Variants in RIN3 observed in about 807,000 individuals in gnomAD.
RIN3 encodes RAB5 interacting protein 3.
In RIN3, 54 loss-of-function variants were observed where a neutral mutation model predicts 76.3. The observed-to-expected ratio is 0.71, with a 90% CI of 0.57 to 0.89. The LOEUF (loss-of-function observed/expected upper bound fraction) is 0.89, where lower values mean the gene tolerates loss of function less well. Among genes scored for constraint, RIN3 ranks in the 40% least tolerant of loss-of-function variants. The probability of loss-of-function intolerance (pLI) is 0.00; values close to 1 mark genes in which losing one functional copy is unlikely to be tolerated. For synonymous variants in RIN3, 576 were observed against 564.0 expected (o/e 1.02, Z -0.30); for missense variants, 1,256 against 1,322.1 (o/e 0.95, Z 0.78).
At chr14:92,645,682 G>A (rs994213129) in intron 5 of RIN3, among the ~76,000 whole-genome samples, 60 of 152,366 alleles carry the variant, frequency 3.9e-4, no homozygotes, top group Middle Eastern at 3.4e-3. Context: ...AAGGCCGGGC[G>A]CAGTGGCTCA....
intron 1 of RIN3, among the ~76,000 whole-genome samples, chr14:92,536,309 T>G (rs1896998196): frequency 6.6e-6 from 1 of 152,212 alleles, no homozygotes; most frequent in South Asian, 2.1e-4. Context: ...GACAGTATTG[T>G]CTTCCACGCC....
At chr14:92,672,688 G>GTGTGTGTATA (rs368466050) in intron 7 of RIN3, among the ~76,000 whole-genome samples, 7 of 150,786 alleles carry the variant, frequency 4.6e-5, no homozygotes, top group Non-Finnish European at 8.9e-5. Flanking sequence ...GTGTGTGTGT[G>GTGTGTGTATA]TATACACATA....
intron 5 of RIN3, among the ~76,000 whole-genome samples, chr14:92,642,083 T>G (rs1394589566): frequency 6.7e-6 from 1 of 149,656 alleles, no homozygotes; most frequent in Non-Finnish European, 1.5e-5. Flanking sequence ...AGCAGAGAAT[T>G]TTTTTTTTCT....
chr14:92,546,410 A>C (rs573211577), intron 1 of RIN3, among the ~76,000 whole-genome samples: 147 of 152,284 alleles, frequency 9.7e-4, no homozygotes, highest in African/African-American at 3.3e-3. Flanking sequence ...GAAGTATATA[A>C]TAGATTAATG....
rs368583728 is a variant in RIN3, at chr14:92,538,211, T to G, written c.45-17540T>G. 5.3e-5 allele frequency among the ~76,000 whole-genome samples: 8 copies of G among 151,848 alleles called. No individual in the cohort carries two copies. In the East Asian group the frequency reaches 1.2e-3, roughly 22 times the overall value. On this transcript the variant is annotated intron_variant, in intron 1 of 9. Coordinates refer to ENST00000216487, the MANE Select transcript of RIN3 (RefSeq NM_024832.5). ...TCTCAAACTCCTGACCTAGGTGATC[T>G]GCCTGCCTTGACCTCCCAAAGTGCT...
chr14:92,683,596 G>A (rs886397238), intron 8 of RIN3, among the ~76,000 whole-genome samples: 4 of 152,164 alleles, frequency 2.6e-5, no homozygotes, highest in African/African-American at 9.7e-5. Context: ...GGCCAAGGCA[G>A]GAGGATCACC....
chr14:92,632,772 G>T (rs1247971727), intron 4 of RIN3, among the ~76,000 whole-genome samples: 4 of 152,226 alleles, frequency 2.6e-5, no homozygotes, highest in African/African-American at 9.6e-5. Flanking sequence ...TGCGAGCCAG[G>T]CAAGGAAGGG....
intron 7 of RIN3, among the ~76,000 whole-genome samples, chr14:92,666,812 G>T (rs1223075220): frequency 6.6e-6 from 1 of 152,120 alleles, no homozygotes; most frequent in African/African-American, 2.4e-5. Context: ...TAATGTGAAT[G>T]CCGAGCAGGA....
chr14:92,631,597 T>C (rs1171315595), intron 4 of RIN3, among the ~76,000 whole-genome samples: 1 of 152,054 alleles, frequency 6.6e-6, no homozygotes, highest in Non-Finnish European at 1.5e-5. Context: ...ATCTGCATTT[T>C]TTTTTGGCGG....
At chr14:92,611,071 A>G (rs1413697135) in intron 3 of RIN3, among the ~76,000 whole-genome samples, 1 of 152,118 alleles carries the variant, frequency 6.6e-6, no homozygotes, top group Non-Finnish European at 1.5e-5. Context: ...TCATTCTCTC[A>G]CAGTTCTGGA....
intron 7 of RIN3, among the ~76,000 whole-genome samples, chr14:92,662,391 G>C (rs954788522): frequency 6.6e-6 from 1 of 152,256 alleles, no homozygotes; most frequent in South Asian, 2.1e-4. Context: ...ACCCTGGGGG[G>C]GATCATGGAA....
At chr14:92,525,739 G>A (rs1040569293) in intron 1 of RIN3, among the ~76,000 whole-genome samples, 2 of 152,180 alleles carry the variant, frequency 1.3e-5, no homozygotes, top group African/African-American at 2.4e-5. Flanking sequence ...CTCAGGCAGC[G>A]TCAGGCCCTG....
Position 92,667,889 on chromosome 14 carries a change from AGAGC to A in RIN3, c.2335+8421_2335+8424del, listed in dbSNP as rs1381778435. Among the ~76,000 whole-genome samples the A allele has an allele frequency of 9.0e-4, 92 of 102,520 alleles. 1 individual carries two copies. In the South Asian group the frequency reaches 0.026, roughly 29 times the overall value. 67.3% of individuals were successfully genotyped at this position (102,520 alleles called of 152,430 possible). On this transcript the variant is annotated intron_variant, in intron 7 of 9. Coordinates refer to ENST00000216487, the MANE Select transcript of RIN3 (RefSeq NM_024832.5). ...ACAGGAATGGGGGGGCATCTGAAAGAGAGCTAAAGAGAGCTTTCCTTCTCCAAAA... is the reference window on the plus strand; with the variant it reads ...ACAGGAATGGGGGGGCATCTGAAAGATAAAGAGAGCTTTCCTTCTCCAAAA...
chr14:92,574,389 T>A (rs577969247), intron 2 of RIN3, among the ~76,000 whole-genome samples: 1 of 152,354 alleles, frequency 6.6e-6, no homozygotes, highest in East Asian at 1.9e-4. Flanking sequence ...TGTTGCCTGC[T>A]TTTCTACTGT....
intron 1 of RIN3, among the ~76,000 whole-genome samples, chr14:92,549,259 C>T (rs1479959707): frequency 6.6e-6 from 1 of 152,150 alleles, no homozygotes; most frequent in Non-Finnish European, 1.5e-5. Flanking sequence ...TCTCCCTTTC[C>T]GTCACACACT....
chr14:92,599,238 C>A (rs925564530), intron 3 of RIN3, among the ~76,000 whole-genome samples: 2 of 139,658 alleles, frequency 1.4e-5, no homozygotes, highest in African/African-American at 2.7e-5. Context: ...AGAAGCCCCC[C>A]GCCCTTGGGG....
chr14:92,671,191 C>T (rs1179349612), intron 7 of RIN3, among the ~76,000 whole-genome samples: 3 of 152,134 alleles, frequency 2.0e-5, no homozygotes, highest in Admixed American at 6.5e-5. Context: ...AGCACACTCA[C>T]GATGTGAAGA....
chr14:92,523,495 C>G (rs570792602), intron 1 of RIN3, among the ~76,000 whole-genome samples: 185 of 152,358 alleles, frequency 1.2e-3, no homozygotes, highest in Non-Finnish European at 2.1e-3. Flanking sequence ...CTTTCTATCT[C>G]TGTCACATAG....
At position 92,685,286 on chromosome 14, in the gene RIN3, C is replaced by G. The variant is rs1366566045; in HGVS notation, c.2631+136C>G. On this transcript the variant is annotated intron_variant, in intron 9 of 9. Coordinates refer to ENST00000216487, the MANE Select transcript of RIN3 (RefSeq NM_024832.5). This position sits in a 1 kb window ranked among gnomAD's most constrained non-coding sequence, Gnocchi z 4.7. ...CTGCCTTAGGGGAGCAGTGAGACTC[C>G]CCACACCAGAGGAAGGGCCCCCAGC... 3.3e-6 allele frequency: 3 copies of G among 920,980 alleles called. No individual in the cohort carries two copies. The highest frequency in any genetic ancestry group is 4.8e-6 in the Non-Finnish European group (3 of 627,090). The allele number at this position is 920,980 out of a possible 1,614,324, so 57.1% of individuals were successfully genotyped here.
Sources: allele counts gnomAD v4.1 joint callset (sites outside exome capture counted in the v4.1 genomes callset), GRCh38; gene constraint gnomAD v4.1.1; non-coding constraint Gnocchi (gnomAD v3.1); transcripts MANE v1.5; gene names NCBI Gene and HGNC (gene_info 2026-07-23, HGNC 2026-07-21).